The following PPHLN1 variants were observed in gnomAD, a reference collection of about 807,000 sequenced individuals.
PPHLN1 encodes the protein periphilin 1.
In PPHLN1, 29 loss-of-function variants were observed where a neutral mutation model predicts 51.3. The ratio of observed to expected loss-of-function variants is 0.57; its 90% CI spans 0.42 to 0.77. PPHLN1 has a LOEUF of 0.77. PPHLN1 is among the 30% of genes least tolerant of loss of function. The pLI, the probability that PPHLN1 is intolerant of heterozygous loss-of-function variation, is 0.00. For missense variants in PPHLN1, 436 were observed against 438.4 expected (o/e 0.99, Z 0.05); for synonymous variants, 147 against 147.8 (o/e 0.99, Z 0.04).
chr12:42,353,078 G>A (rs1034861517), intron 3 of PPHLN1, among the ~76,000 whole-genome samples: 17 of 146,188 alleles, frequency 1.2e-4, no homozygotes, highest in African/African-American at 3.8e-4. Context: ...GATAGAGCGA[G>A]ACTTTGTCTC....
intron 2 of PPHLN1, among the ~76,000 whole-genome samples, chr12:42,348,301 T>TTTTTTTTTTTTTTGTA (rs1351410831): frequency 7.6e-6 from 1 of 131,398 alleles, no homozygotes. Flanking sequence ...TTTTTTTTTT[T>TTTTTTTTTTTTTTGTA]AGTAGAAACG....
At chr12:42,332,285 AG>A (rs1244930345) in intron 1 of PPHLN1, among the ~76,000 whole-genome samples, 1 of 152,196 alleles carries the variant, frequency 6.6e-6, no homozygotes, top group Non-Finnish European at 1.5e-5. Context: ...TAATTACCAT[AG>A]GAGATGGTAA....
intron 5 of PPHLN1, among the ~76,000 whole-genome samples, chr12:42,383,015 A>G (rs569219800): frequency 6.6e-6 from 1 of 152,346 alleles, no homozygotes; most frequent in South Asian, 2.1e-4. Context: ...AATTAAAACA[A>G]TAATTACTTA....
chr12:42,392,877 T>C (rs1466778807), intron 7 of PPHLN1, among the ~76,000 whole-genome samples: 2 of 152,186 alleles, frequency 1.3e-5, no homozygotes, highest in Non-Finnish European at 2.9e-5. Flanking sequence ...TTCTCACAAC[T>C]GCTTTGCAAA....
At chr12:42,419,397 A>G (rs1007733782) in intron 9 of PPHLN1, among the ~76,000 whole-genome samples, 2 of 6,722 alleles carry the variant, frequency 3.0e-4, no homozygotes, top group African/African-American at 3.2e-4. Flanking sequence ...ACCCACCACC[A>G]CACCTTTTAT....
chr12:42,418,078 T>TA (rs1199017858), intron 9 of PPHLN1, among the ~76,000 whole-genome samples: 1 of 151,122 alleles, frequency 6.6e-6, no homozygotes, highest in Non-Finnish European at 1.5e-5. Flanking sequence ...TAGCTGGGAC[T>TA]ACAGGCCCCT....
chr12:42,377,301 C>CTTTT (rs11297368), intron 5 of PPHLN1, among the ~76,000 whole-genome samples: 379 of 104,886 alleles, frequency 3.6e-3, no homozygotes, highest in African/African-American at 6.2e-3. Context: ...TTTTTTCTTT[C>CTTTT]TTTTTTTTTT....
chr12:42,361,974 C>A (rs746678472), intron 4 of PPHLN1, among the ~76,000 whole-genome samples: 9 of 152,188 alleles, frequency 5.9e-5, no homozygotes, highest in Non-Finnish European at 1.3e-4. Flanking sequence ...CTAGTGGCAG[C>A]ACCATTTTAC....
In PPHLN1 at chr12:42,425,038, T is replaced by TTATGTATGTATGTATG. The variant is rs71435906; in HGVS notation, c.910-16246_910-16231dup. Among the ~76,000 whole-genome samples the TTATGTATGTATGTATG allele has an allele frequency of 9.1e-4, 124 of 136,962 alleles. 1 individual carries two copies. Among genetic ancestry groups the TTATGTATGTATGTATG allele is most frequent in the East Asian group, 3.0e-3 (14 of 4,708 alleles). The allele number at this position is 136,962 out of a possible 152,430, so 89.9% of individuals were successfully genotyped here. A position where few individuals can be genotyped will look rare whatever the true frequency, so the allele number is the denominator to read the frequency against. The stretch of plus-strand genomic sequence containing the variant: ...CTCAGGTTTTTATTTTTATTTTATT[T>TTATGTATGTATGTATG]TATGTATGTATGTATGTATGTATGT... On this transcript the variant is annotated intron_variant, in intron 9 of 9. Transcript: ENST00000358314.
At chr12:42,365,714 A>G (rs992854428) in intron 4 of PPHLN1, among the ~76,000 whole-genome samples, 1 of 152,126 alleles carries the variant, frequency 6.6e-6, no homozygotes, top group Non-Finnish European at 1.5e-5. Flanking sequence ...TGCGTCTTTT[A>G]TATGCCAGCC....
intron 9 of PPHLN1, among the ~76,000 whole-genome samples, chr12:42,413,001 C>T (rs1161435793): frequency 2.0e-5 from 3 of 151,962 alleles, no homozygotes; most frequent in African/African-American, 4.8e-5. Flanking sequence ...TTGAGTTCCT[C>T]GTAGATTCTA....
chr12:42,366,793 C>T (rs1327243652), intron 4 of PPHLN1, among the ~76,000 whole-genome samples: 1 of 152,076 alleles, frequency 6.6e-6, no homozygotes, highest in Non-Finnish European at 1.5e-5. Context: ...ATATGCAACA[C>T]TTGGGTTTGG....
chr12:42,388,233 T>C (rs1442247875), intron 7 of PPHLN1, among the ~76,000 whole-genome samples: 2 of 152,170 alleles, frequency 1.3e-5, no homozygotes, highest in Admixed American at 1.3e-4. Context: ...GGGAACTGAA[T>C]GTCTTGGTAT....
downstream of PPHLN1, among the ~76,000 whole-genome samples, chr12:42,442,355 G>A (rs2083029251): frequency 6.6e-6 from 1 of 152,178 alleles, no homozygotes; most frequent in Non-Finnish European, 1.5e-5. Flanking sequence ...TAACAAGGTA[G>A]TGTAAAGAAA....
chr12:42,426,456 T>G (rs1231840122), intron 9 of PPHLN1, among the ~76,000 whole-genome samples: 1 of 152,208 alleles, frequency 6.6e-6, no homozygotes, highest in Non-Finnish European at 1.5e-5. Flanking sequence ...AGGCTATGAA[T>G]GTTTATTGTA....
intron 4 of PPHLN1, among the ~76,000 whole-genome samples, chr12:42,363,277 T>C (rs1490973865): frequency 6.6e-6 from 1 of 152,088 alleles, no homozygotes; most frequent in Non-Finnish European, 1.5e-5. Context: ...CCTGACCCCA[T>C]GAGTCTTTCT....
rs558700598 is a variant in PPHLN1 at position 42,437,520 on chromosome 12, T to A, written c.910-3795T>A. 1.6e-4 allele frequency among the ~76,000 whole-genome samples: 25 copies of A among 152,254 alleles called. No homozygotes were observed. The South Asian group carries it at 4.6e-3, about 28-fold the overall frequency. ...TGTGTGATTATTTTTGGGAAAAAAA[T>A]TTAATTTTATTTTTTGGAGCTGTTT... On this transcript the variant is annotated intron_variant, in intron 9 of 9. Coordinates refer to ENST00000358314, the MANE Select transcript of PPHLN1 (RefSeq NM_201439.2).
intron 4 of PPHLN1, 42 bp downstream of exon 4, chr12:42,355,264 A>T (rs2073900589): frequency 1.3e-6 from 2 of 1,519,402 alleles, no homozygotes. Flanking sequence ...TTGATACTTG[A>T]CTCACTGTGA....
At chr12:42,366,146 T>G (rs941069934) in intron 4 of PPHLN1, among the ~76,000 whole-genome samples, 4 of 151,718 alleles carry the variant, frequency 2.6e-5, no homozygotes, top group African/African-American at 9.7e-5. Flanking sequence ...ATCCTTAAAA[T>G]CGAGATGATA....
Sources: gnomAD v4.1 joint callset for allele counts (sites outside exome capture counted in the v4.1 genomes callset) on GRCh38, gnomAD v4.1.1 for gene constraint, MANE v1.5 for transcripts, NCBI Gene and HGNC (gene_info 2026-07-23, HGNC 2026-07-21) for gene names.